CR1: variants seen among roughly 807,000 people sequenced by gnomAD.
CR1 encodes the protein complement receptor type 1.
A neutral mutation model predicts 187.3 loss-of-function variants in CR1; 116 were observed. The observed-to-expected ratio is 0.62, with a 90% confidence interval of 0.53 to 0.72. CR1 has a LOEUF of 0.72. CR1 is among the 30% of genes least tolerant of loss of function. The pLI, the probability that CR1 is intolerant of heterozygous loss-of-function variation, is 0.00. For synonymous variants in CR1, 576 were observed against 747.1 expected, an observed-to-expected ratio of 0.77 and a Z score of 3.73; for missense variants, 1,731 against 2,110.7, an observed-to-expected ratio of 0.82 and a Z score of 3.52.
At chr1:207,588,642 A>G (rs1405133649) in intron 34 of CR1, 33 bp from the exon 35 acceptor site, 2 of 1,453,748 alleles carry the variant, frequency 1.4e-6, no homozygotes, top group Non-Finnish European at 1.9e-6. Flanking sequence ...GTTGAACTCT[A>G]TATTTAATCC....
At chr1:207,520,326 C>A (rs1225179014) in intron 4 of CR1, among the ~76,000 whole-genome samples, 1 of 152,228 alleles carries the variant, frequency 6.6e-6, no homozygotes, top group Non-Finnish European at 1.5e-5. Context: ...GACCTCTGTG[C>A]CCTGCATGGA....
intron 41 of CR1, among the ~76,000 whole-genome samples, chr1:207,617,202 AT>A (rs573763963): frequency 3.3e-3 from 503 of 152,088 alleles, no homozygotes; most frequent in Non-Finnish European, 5.9e-3. Context: ...GTACACATTG[AT>A]GATGTAATTT....
rs1324423804 is a variant in CR1, at chr1:207,640,476, G to A, written c.*1067G>A. ...AAACTTTAATTCAAAAGCACTTTGT[G>A]CTGTGTTCTATATAAAAAACATAAT... On this transcript the variant is annotated 3_prime_UTR_variant, in exon 47 of 47. Coordinates refer to ENST00000367049, the MANE Select transcript of CR1 (RefSeq NM_000651.6). 5.3e-5 allele frequency: 8 copies of A among 152,150 alleles called. No individual in the cohort carries two copies. Among genetic ancestry groups the A allele is most frequent in the African/African-American group, 1.4e-4 (6 of 41,424 alleles). 9.4% of individuals were successfully genotyped at this position (152,150 alleles called of 1,614,324 possible). A position where few individuals can be genotyped will look rare whatever the true frequency, so the allele number is the denominator to read the frequency against.
chr1:207,604,882 A>G (rs955794986), intron 35 of CR1, among the ~76,000 whole-genome samples: 9 of 152,096 alleles, frequency 5.9e-5, no homozygotes, highest in African/African-American at 2.2e-4. Context: ...AGATTTGGTC[A>G]AAGGGCGCAG....
chr1:207,617,507 A>ATATATATATATATATATATGTG lies in CR1; in HGVS notation c.6890-563_6890-562insATATATATATATATATATGTGT, dbSNP rs1332301171. 9.6e-4 allele frequency among the ~76,000 whole-genome samples: 45 copies of ATATATATATATATATATATGTG among 47,000 alleles called. 1 individual carries two copies. Among genetic ancestry groups the ATATATATATATATATATATGTG allele is most frequent in the Admixed American group, 1.8e-3 (6 of 3,360 alleles). 30.8% of individuals were successfully genotyped at this position (47,000 alleles called of 152,430 possible). On this transcript the variant is annotated intron_variant, in intron 41 of 46. Transcript: ENST00000367049. ...AGTATATATATATATATATATATAT[A>ATATATATATATATATATATGTG]TGTGTGTGTGTGTGTGTGTGTGTGT...
chr1:207,565,215 A>T (rs1660456435), intron 23 of CR1, among the ~76,000 whole-genome samples: 1 of 150,278 alleles, frequency 6.7e-6, no homozygotes, highest in Non-Finnish European at 1.5e-5. Flanking sequence ...GCCAGCACCC[A>T]GTAAGAGTTA....
chr1:207,509,451 C>CA (rs11371768), intron 3 of CR1, among the ~76,000 whole-genome samples: 34,553 of 152,096 alleles, frequency 0.23, 4,149 homozygotes, highest in South Asian at 0.44. Flanking sequence ...CTTACTTCCT[C>CA]CAAACATTCT....
At chr1:207,624,517 A>G (rs545114385) in intron 45 of CR1, among the ~76,000 whole-genome samples, 2 of 152,318 alleles carry the variant, frequency 1.3e-5, no homozygotes, top group South Asian at 4.1e-4. Context: ...AAGTTTTGAT[A>G]TTTCACAAAG....
chr1:207,576,681 G>A (rs1660756305), intron 28 of CR1, among the ~76,000 whole-genome samples: 1 of 152,014 alleles, frequency 6.6e-6, no homozygotes, highest in East Asian at 1.9e-4. Context: ...AAACAGGCAC[G>A]GTGGCACATG....
At chr1:207,598,282 TAAATATATCATGTGATATTAGGA>T (rs985728770) in intron 35 of CR1, among the ~76,000 whole-genome samples, 3 of 152,114 alleles carry the variant, frequency 2.0e-5, no homozygotes, top group African/African-American at 4.8e-5. Flanking sequence ...AAAAAATTTT[TAAATATATCATGTGATATTAGGA>T]AAGAAAAAAA....
At chr1:207,521,242 G>T (rs1659984090) in intron 4 of CR1, among the ~76,000 whole-genome samples, 2 of 151,978 alleles carry the variant, frequency 1.3e-5, no homozygotes, top group Non-Finnish European at 2.9e-5. Context: ...CTCCCAAACT[G>T]CTGGGATTAC....
At chr1:207,624,605 T>C (rs1302839410) in intron 45 of CR1, among the ~76,000 whole-genome samples, 2 of 152,208 alleles carry the variant, frequency 1.3e-5, no homozygotes, top group Non-Finnish European at 2.9e-5. Context: ...CTCAATTTCA[T>C]GGAAAAATAC....
At chr1:207,579,379 G>T (rs1465721006) in intron 29 of CR1, among the ~76,000 whole-genome samples, 1 of 152,184 alleles carries the variant, frequency 6.6e-6, no homozygotes, top group African/African-American at 2.4e-5. Context: ...CAGATAAAGG[G>T]ATATAAAGAC....
rs775325313 is a variant in CR1 at position 207,584,761 on chromosome 1, C to T, written c.5415C>T (p.Asp1805=). 1 of 1,613,988 alleles carries T rather than the reference C, an allele frequency of 6.2e-7. No homozygotes were observed. Residue 1805 remains aspartate (D), a synonymous_variant, in exon 33 of 47, where the codon GAC becomes GAT. Coordinates refer to ENST00000367049, the MANE Select transcript of CR1 (RefSeq NM_000651.6). ...CTTACACATGTGACCCCCACCCAGACAGAGGGATGACCTTCAACCTCATTG... is the reference window on the plus strand; with the variant it reads ...CTTACACATGTGACCCCCACCCAGATAGAGGGATGACCTTCAACCTCATTG... ...EISYTCDPHP[D]RGMTFNLIGE... is the part of the protein sequence containing the mutation.
At chr1:207,604,342 A>G (rs1661687487) in intron 35 of CR1, among the ~76,000 whole-genome samples, 1 of 152,096 alleles carries the variant, frequency 6.6e-6, no homozygotes, top group Non-Finnish European at 1.5e-5. Context: ...ATTTGTAATT[A>G]TTCAGTTTTA....
chr1:207,583,962 G>A (rs200427701), intron 32 of CR1, among the ~76,000 whole-genome samples: 1 of 151,976 alleles, frequency 6.6e-6, no homozygotes, highest in East Asian at 1.9e-4. Context: ...TCCCCAAATA[G>A]AGGCATTCCA....
chr1:207,639,385 C>T lies in CR1; in HGVS notation c.7458-12C>T, dbSNP rs778060925. 6.3e-7 allele frequency: 1 copy of T among 1,597,556 alleles called. No homozygotes were observed. Among genetic ancestry groups the T allele is most frequent in the Middle Eastern group, 1.7e-4 (1 of 6,026 alleles). ...ATGCTGTTAATTAAATGAAAACATC[C>T]TGTTATTTCAGGGTCCTTCCTTGAC... On this transcript the variant is annotated splice_polypyrimidine_tract_variant and intron_variant, in intron 46 of 46. Transcript: ENST00000367049.
At chr1:207,593,486 G>C (rs949207810) in intron 35 of CR1, among the ~76,000 whole-genome samples, 3 of 152,142 alleles carry the variant, frequency 2.0e-5, no homozygotes, top group African/African-American at 7.2e-5. Flanking sequence ...TTAAATGTAA[G>C]ACCTAAAACT....
At chr1:207,582,058 A>G (rs1286093946) in intron 32 of CR1, 55 bp downstream of exon 32, 12 of 1,320,856 alleles carry the variant, frequency 9.1e-6, no homozygotes, top group African/African-American at 1.5e-5. Context: ...TTCTTAATAT[A>G]GTTTGCCCCA....
Sources: allele counts gnomAD v4.1 joint callset (sites outside exome capture counted in the v4.1 genomes callset), GRCh38; gene constraint gnomAD v4.1.1; transcripts MANE v1.5; gene names NCBI Gene and HGNC (gene_info 2026-07-23, HGNC 2026-07-21).